Variants in THSD7B observed in about 807,000 individuals in gnomAD.
The protein encoded by THSD7B is thrombospondin type-1 domain-containing protein 7B.
Under a neutral mutation model 213.6 loss-of-function variants are expected in THSD7B, and 138 were observed. The ratio of observed to expected loss-of-function variants is 0.65; its 90% CI spans 0.56 to 0.74. THSD7B has a LOEUF of 0.74. Ranked by LOEUF, THSD7B falls within the 30% of genes least tolerant of loss-of-function variation. The probability of loss-of-function intolerance (pLI) is 0.00; values close to 1 mark genes in which losing one functional copy is unlikely to be tolerated. For missense variants in THSD7B, 1,931 were observed against 1,991.5 expected, an observed-to-expected ratio of 0.97 and a Z score of 0.58; for synonymous variants, 742 against 687.0, an observed-to-expected ratio of 1.08 and a Z score of -1.25.
intron 15 of THSD7B, among the ~76,000 whole-genome samples, chr2:137,529,132 G>A (rs2105177023): frequency 6.6e-6 from 1 of 151,966 alleles, no homozygotes; most frequent in East Asian, 1.9e-4. Flanking sequence ...CCTTTCTAAG[G>A]CACATTTCAT....
intron 17 of THSD7B, among the ~76,000 whole-genome samples, chr2:137,586,597 C>T (rs1212737731): frequency 2.0e-5 from 3 of 152,122 alleles, no homozygotes; most frequent in Non-Finnish European, 4.4e-5. Context: ...ACTTCTGAAG[C>T]TTAGTTTGGC....
chr2:137,075,490 A>C (rs547789408), intron 3 of THSD7B, among the ~76,000 whole-genome samples: 17 of 151,668 alleles, frequency 1.1e-4, no homozygotes, highest in African/African-American at 3.4e-4. Flanking sequence ...CATTCATCTA[A>C]TTTTTTTTCA....
At chr2:136,914,771 T>C (rs1024663298) in intron 2 of THSD7B, among the ~76,000 whole-genome samples, 2 of 152,278 alleles carry the variant, frequency 1.3e-5, no homozygotes, top group South Asian at 2.1e-4. Context: ...TTCTTTTTTT[T>C]CCCCAGTCTT....
chr2:137,446,238 G>A (rs1385758596), intron 14 of THSD7B, among the ~76,000 whole-genome samples: 2 of 151,950 alleles, frequency 1.3e-5, no homozygotes, highest in Admixed American at 6.6e-5. Context: ...GGAGAAAAAC[G>A]TGTTTGTACT....
intron 1 of THSD7B, among the ~76,000 whole-genome samples, chr2:136,785,187 C>T (rs891453563): frequency 3.9e-5 from 6 of 152,184 alleles, no homozygotes; most frequent in Admixed American, 1.3e-4. Context: ...GCAACATATC[C>T]TAGTGCCCAC....
At chr2:137,463,464 C>A (rs1687928497) in intron 15 of THSD7B, among the ~76,000 whole-genome samples, 1 of 151,848 alleles carries the variant, frequency 6.6e-6, no homozygotes, top group Non-Finnish European at 1.5e-5. Flanking sequence ...CTCTTTCCTA[C>A]CTGACAACCT....
intron 5 of THSD7B, among the ~76,000 whole-genome samples, chr2:137,119,269 T>C (rs1402217421): frequency 2.0e-5 from 3 of 152,238 alleles, no homozygotes; most frequent in Non-Finnish European, 4.4e-5. Flanking sequence ...AATCAAACAT[T>C]TATTTGTTTA....
intron 12 of THSD7B, among the ~76,000 whole-genome samples, chr2:137,283,546 A>G (rs1683088896): frequency 6.6e-6 from 1 of 152,172 alleles, no homozygotes; most frequent in Non-Finnish European, 1.5e-5. Flanking sequence ...TGTCATAGAT[A>G]GCTCTTATTA....
chr2:137,622,075 A>G (rs1439936142), intron 20 of THSD7B, among the ~76,000 whole-genome samples: 1 of 152,208 alleles, frequency 6.6e-6, no homozygotes, highest in African/African-American at 2.4e-5. Context: ...ATGGGGGATC[A>G]GCACTTATGA....
At chr2:137,247,753 T>A (rs1682072763) in intron 10 of THSD7B, among the ~76,000 whole-genome samples, 1 of 152,124 alleles carries the variant, frequency 6.6e-6, no homozygotes, top group Non-Finnish European at 1.5e-5. Flanking sequence ...AGTTACCTCT[T>A]GAGTTTTCAG....
At chr2:137,208,137 C>T (rs1317066038) in intron 7 of THSD7B, among the ~76,000 whole-genome samples, 2 of 151,984 alleles carry the variant, frequency 1.3e-5, no homozygotes, top group South Asian at 4.1e-4. Flanking sequence ...AACTTATATA[C>T]CTTCTATGGT....
chr2:136,877,074 C>A (rs936883096), intron 1 of THSD7B, among the ~76,000 whole-genome samples: 7 of 146,348 alleles, frequency 4.8e-5, no homozygotes, highest in African/African-American at 1.8e-4. Context: ...GGTTCCAGTG[C>A]GCCCGTATGT....
intron 1 of THSD7B, among the ~76,000 whole-genome samples, chr2:136,829,737 G>C (rs1474476012): frequency 2.0e-5 from 3 of 152,092 alleles, no homozygotes; most frequent in Non-Finnish European, 4.4e-5. Flanking sequence ...GAAAATATGG[G>C]TCTGTGGGTG....
chr2:137,635,327 C>T (rs551791923), intron 20 of THSD7B, among the ~76,000 whole-genome samples: 1 of 152,234 alleles, frequency 6.6e-6, no homozygotes, highest in South Asian at 2.1e-4. Flanking sequence ...TACCTATTGT[C>T]ATGTCTCATG....
At chr2:137,453,934 GC>G (rs1252001664) in intron 15 of THSD7B, among the ~76,000 whole-genome samples, 1 of 152,222 alleles carries the variant, frequency 6.6e-6, no homozygotes, top group African/African-American at 2.4e-5. Flanking sequence ...GTCTCAAATA[GC>G]AGAGTTTCTT....
At chr2:136,884,476 T>C (rs1683682883) in intron 2 of THSD7B, among the ~76,000 whole-genome samples, 2 of 152,184 alleles carry the variant, frequency 1.3e-5, no homozygotes, top group South Asian at 4.1e-4. Flanking sequence ...AGCTTTCATA[T>C]CTGCCAGGCC....
chr2:136,809,060 G>A (rs953457870), intron 1 of THSD7B, among the ~76,000 whole-genome samples: 1 of 152,142 alleles, frequency 6.6e-6, no homozygotes, highest in Non-Finnish European at 1.5e-5. Context: ...AAATGACAAA[G>A]TCCTTGCAGT....
intron 1 of THSD7B, among the ~76,000 whole-genome samples, chr2:136,870,071 CAAA>C (rs5834512): frequency 4.6e-5 from 6 of 130,614 alleles, no homozygotes; most frequent in Non-Finnish European, 6.3e-5. Context: ...GACTCCGTCT[CAAA>C]AAAAAAAAAA....
intron 15 of THSD7B, among the ~76,000 whole-genome samples, chr2:137,562,649 T>A (rs1389764195): frequency 6.7e-6 from 1 of 150,130 alleles, no homozygotes; most frequent in Non-Finnish European, 1.5e-5. Context: ...TTAGCTACAC[T>A]CTGAAAACAT....
Sources: allele counts gnomAD v4.1 joint callset (sites outside exome capture counted in the v4.1 genomes callset), GRCh38; gene constraint gnomAD v4.1.1; transcripts MANE v1.5; gene names NCBI Gene and HGNC (gene_info 2026-07-23, HGNC 2026-07-21).